The following TTC17 variants were observed in gnomAD, a reference collection of about 807,000 sequenced individuals.
TTC17 encodes tetratricopeptide repeat domain 17.
A neutral mutation model predicts 143.8 loss-of-function variants in TTC17; 58 were observed. The ratio of observed to expected loss-of-function variants is 0.40; its 90% CI spans 0.33 to 0.50. The LOEUF (loss-of-function observed/expected upper bound fraction) is 0.50. Ranked by LOEUF, TTC17 falls within the 20% of genes least tolerant of loss-of-function variation. TTC17 has a pLI of 0.49. For synonymous variants in TTC17, 501 were observed against 497.8 expected (o/e 1.01, Z -0.09); for missense variants, 1,273 against 1,392.5 (o/e 0.91, Z 1.37).
intron 11 of TTC17, among the ~76,000 whole-genome samples, chr11:43,404,728 A>G (rs533878496): frequency 6.6e-6 from 1 of 152,216 alleles, no homozygotes; most frequent in Non-Finnish European, 1.5e-5. Context: ...ACAGAATTAA[A>G]CAGCCACTTA....
At chr11:43,359,539 G>A (rs575958668) in intron 1 of TTC17, among the ~76,000 whole-genome samples, 31 of 152,362 alleles carry the variant, frequency 2.0e-4, no homozygotes, top group African/African-American at 7.5e-4. Context: ...GAGTCCCATG[G>A]TATGACAGCT....
intron 7 of TTC17, 141 bp from the exon 8 acceptor site, chr11:43,397,833 G>A: frequency 8.3e-7 from 1 of 1,211,852 alleles, no homozygotes; most frequent in East Asian, 2.6e-5. Flanking sequence ...TAAGAGGTAG[G>A]TGTGATCTCA....
At chr11:43,392,099 A>G (rs1199128725) in intron 5 of TTC17, 147 bp downstream of exon 5, 3 of 947,158 alleles carry the variant, frequency 3.2e-6, no homozygotes, top group Non-Finnish European at 1.5e-6. Context: ...TGCAAATTGC[A>G]TAGTTCAGTG....
rs1858097658 is a variant in TTC17, at chr11:43,405,817, A to G, written c.1627A>G (p.Thr543Ala). Residue 543 changes from threonine (T) to alanine (A), a missense_variant, in exon 13 of 24, where the codon ACA (threonine) becomes GCA (alanine). Physicochemically the swap from Thr to Ala is moderately conservative, Grantham distance 58 (BLOSUM62 0). Coordinates refer to ENST00000039989, the MANE Select transcript of TTC17 (RefSeq NM_018259.6). ...IHELSSDDYS[T>A]EEEAQTPDCS... ...CGAACTCAGCAGTGATGATTATTCTACAGAAGAAGAGGCCCAAACCCCTGA... is the reference window on the plus strand; with the variant it reads ...CGAACTCAGCAGTGATGATTATTCTGCAGAAGAAGAGGCCCAAACCCCTGA... 6.2e-7 allele frequency: 1 copy of G among 1,614,062 alleles called. No individual in the cohort carries two copies. The highest frequency in any genetic ancestry group is 2.2e-5 in the East Asian group (1 of 44,886).
intron 21 of TTC17, among the ~76,000 whole-genome samples, chr11:43,454,800 C>T (rs1010967566): frequency 2.0e-5 from 3 of 151,762 alleles, no homozygotes; most frequent in African/African-American, 4.8e-5. Flanking sequence ...TTTATGTATC[C>T]AGAAACAAAT....
rs551650952 is a variant in TTC17 at position 43,430,789 on chromosome 11, T to A, written c.2252-12536T>A. Among the ~76,000 whole-genome samples the A allele has an allele frequency of 4.8e-4, 73 of 151,858 alleles. 1 individual carries two copies. Among genetic ancestry groups the A allele is most frequent in the African/African-American group, 1.6e-3 (68 of 41,416 alleles). ...CAGATACATTGATAACTTCTTTTTT[T>A]AATTATTATTATTATACTTGAAGTT... On this transcript the variant is annotated intron_variant, in intron 16 of 23. Transcript: ENST00000039989.
intron 19 of TTC17, 76 bp from the exon 20 acceptor site, chr11:43,450,006 T>G (rs1947626413): frequency 6.7e-7 from 1 of 1,485,390 alleles, no homozygotes. Flanking sequence ...TCTCCTTGAT[T>G]GTTAATGCTG....
At chr11:43,458,685 T>C (rs1250124305) in intron 21 of TTC17, among the ~76,000 whole-genome samples, 1 of 152,100 alleles carries the variant, frequency 6.6e-6, no homozygotes, top group Non-Finnish European at 1.5e-5. Context: ...GGCATCAGGC[T>C]CAGAGTCTAC....
intron 1 of TTC17, chr11:43,370,007 A>G (rs1480987555): frequency 4.5e-6 from 2 of 441,374 alleles, no homozygotes; most frequent in Non-Finnish European, 9.0e-6. Flanking sequence ...TCATTATAAT[A>G]GTTTTCTCAA....
intron 16 of TTC17, among the ~76,000 whole-genome samples, chr11:43,416,113 G>A (rs1289818290): frequency 6.6e-6 from 1 of 152,074 alleles, no homozygotes; most frequent in Non-Finnish European, 1.5e-5. Flanking sequence ...AACTTTAAAG[G>A]TGCAAATTGT....
intron 21 of TTC17, among the ~76,000 whole-genome samples, chr11:43,468,668 C>T (rs1948028998): frequency 6.6e-6 from 1 of 152,122 alleles, no homozygotes; most frequent in African/African-American, 2.4e-5. Context: ...GGCATGGTGG[C>T]TGACACCTCC....
chr11:43,476,917 G>A (rs369723510), intron 21 of TTC17, among the ~76,000 whole-genome samples: 4 of 152,200 alleles, frequency 2.6e-5, no homozygotes, highest in East Asian at 1.9e-4. Flanking sequence ...CTTTTCTATC[G>A]CATAGTCAGG....
chr11:43,427,002 G>T (rs917668716), intron 16 of TTC17, among the ~76,000 whole-genome samples: 5 of 152,150 alleles, frequency 3.3e-5, no homozygotes, highest in African/African-American at 1.2e-4. Context: ...TATACCAGTG[G>T]TAAGTTTAAA....
intron 3 of TTC17, 79 bp from the exon 4 acceptor site, chr11:43,391,386 G>A: frequency 1.0e-6 from 1 of 970,436 alleles, no homozygotes; most frequent in Non-Finnish European, 1.6e-6. Flanking sequence ...GCAACAGAAT[G>A]AGACCCTTTC....
intron 16 of TTC17, among the ~76,000 whole-genome samples, chr11:43,427,838 C>G (rs1008373269): frequency 4.6e-5 from 7 of 152,160 alleles, no homozygotes; most frequent in African/African-American, 1.7e-4. Context: ...CATTCCATAC[C>G]CTCCCCCCAA....
At chr11:43,362,203 T>G (rs1590296092) in intron 1 of TTC17, among the ~76,000 whole-genome samples, 1 of 149,116 alleles carries the variant, frequency 6.7e-6, no homozygotes, top group Admixed American at 6.7e-5. Flanking sequence ...GTATTTTTAG[T>G]AGAGACAGGG....
At chr11:43,481,823 A>G (rs1948293285) in intron 21 of TTC17, among the ~76,000 whole-genome samples, 1 of 151,722 alleles carries the variant, frequency 6.6e-6, no homozygotes, top group Non-Finnish European at 1.5e-5. Context: ...TTGTTGGGGA[A>G]TAGGGGGACA....
chr11:43,369,565 GT>G (rs1329293317), intron 1 of TTC17, among the ~76,000 whole-genome samples: 1 of 150,382 alleles, frequency 6.6e-6, no homozygotes, highest in Non-Finnish European at 1.5e-5. Context: ...TTTGAAGTTT[GT>G]TTTTTCCTTT....
intron 1 of TTC17, among the ~76,000 whole-genome samples, chr11:43,363,255 T>A (rs1218984134): frequency 2.6e-5 from 4 of 152,252 alleles, no homozygotes; most frequent in African/African-American, 9.6e-5. Flanking sequence ...TTTGGCAATA[T>A]CTACTTTCTG....
Sources: allele counts gnomAD v4.1 joint callset (sites outside exome capture counted in the v4.1 genomes callset), GRCh38; gene constraint gnomAD v4.1.1; transcripts MANE v1.5; gene names NCBI Gene and HGNC (gene_info 2026-07-23, HGNC 2026-07-21).